Variants in CAST observed in about 807,000 individuals in gnomAD.
CAST encodes MIR583 host.
In CAST, 76 loss-of-function variants were observed where a neutral mutation model predicts 119.6. The observed-to-expected ratio is 0.64, with a 90% CI of 0.53 to 0.77. The LOEUF (loss-of-function observed/expected upper bound fraction) is 0.77, where lower values mean the gene tolerates loss of function less well. Ranked by LOEUF, CAST falls within the 30% of genes least tolerant of loss-of-function variation. The probability of loss-of-function intolerance (pLI) is 0.00; values close to 1 mark genes in which losing one functional copy is unlikely to be tolerated. For synonymous variants in CAST, 319 were observed against 331.6 expected, an observed-to-expected ratio of 0.96 and a Z score of 0.41; for missense variants, 953 against 946.5, an observed-to-expected ratio of 1.01 and a Z score of -0.09.
chr5:95,972,381 G>C, the CAST span, among the ~76,000 whole-genome samples: 3 of 151,684 alleles, frequency 2.0e-5, no homozygotes, highest in South Asian at 2.1e-4. Flanking sequence ...CTGTGTACTT[G>C]TCAGCACTTG....
At chr5:96,119,797 C>T in the CAST span, among the ~76,000 whole-genome samples, 1 of 152,006 alleles carries the variant, frequency 6.6e-6, no homozygotes, top group Non-Finnish European at 1.5e-5. Context: ...ATTATGTACG[C>T]CTAAAAAGCA....
the CAST span, among the ~76,000 whole-genome samples, chr5:96,105,611 T>C: frequency 6.6e-6 from 1 of 152,218 alleles, no homozygotes; most frequent in Non-Finnish European, 1.5e-5. Flanking sequence ...GATAAGCTTT[T>C]TGATGTGCTG....
chr5:96,399,863 T>A, the CAST span: 1 of 969,864 alleles, frequency 1.0e-6, no homozygotes, highest in Non-Finnish European at 1.6e-6. Flanking sequence ...TTCAGAAGGG[T>A]AGATACAAAA....
At chr5:96,355,378 C>A in the CAST span, among the ~76,000 whole-genome samples, 2 of 152,114 alleles carry the variant, frequency 1.3e-5, no homozygotes, top group Admixed American at 6.6e-5. Context: ...TTTATGTCTG[C>A]GTAGTATTCT....
chr5:96,695,977 T>C, intron 3 of CAST, 70 bp downstream of exon 3: 3 of 997,524 alleles, frequency 3.0e-6, no homozygotes, highest in Non-Finnish European at 4.6e-6. Flanking sequence ...GGGTGGGGCC[T>C]GTAGGAATGG....
At chr5:96,644,531 G>A (rs1252769244) in intron 1 of CAST, among the ~76,000 whole-genome samples, 2 of 152,184 alleles carry the variant, frequency 1.3e-5, no homozygotes, top group Non-Finnish European at 2.9e-5. Context: ...TTATTTTGGA[G>A]TAATTTTAGA....
At chr5:96,631,811 C>T (rs1487264749) in intron 1 of CAST, among the ~76,000 whole-genome samples, 1 of 152,062 alleles carries the variant, frequency 6.6e-6, no homozygotes, top group Admixed American at 6.6e-5. Context: ...GGATTACAGG[C>T]GTGAGCCACT....
chr5:95,996,462 A>C, the CAST span, among the ~76,000 whole-genome samples: 1 of 152,178 alleles, frequency 6.6e-6, no homozygotes, highest in South Asian at 2.1e-4. Flanking sequence ...TACTTTTATA[A>C]TGGCTTCTTT....
chr5:96,347,748 C>T, the CAST span, among the ~76,000 whole-genome samples: 1 of 152,158 alleles, frequency 6.6e-6, no homozygotes, highest in Admixed American at 6.6e-5. Flanking sequence ...CTAAACCCCA[C>T]AGGAAATCCT....
At chr5:96,013,100 AC>A in the CAST span, among the ~76,000 whole-genome samples, 1 of 152,170 alleles carries the variant, frequency 6.6e-6, no homozygotes, top group Admixed American at 6.6e-5. Context: ...GACAACTGAC[AC>A]ATCAGGTACC....
the CAST span, among the ~76,000 whole-genome samples, chr5:96,149,097 C>G: frequency 6.6e-6 from 1 of 152,166 alleles, no homozygotes; most frequent in Non-Finnish European, 1.5e-5. Context: ...AGACAGTTTC[C>G]TTGGCTTTGA....
chr5:96,472,982 A>G, the CAST span, among the ~76,000 whole-genome samples: 1 of 152,174 alleles, frequency 6.6e-6, no homozygotes, highest in East Asian at 1.9e-4. Context: ...TTGTGGAAGC[A>G]TAACTCCAAT....
intron 22 of CAST, among the ~76,000 whole-genome samples, chr5:96,757,028 G>A (rs1766460341): frequency 6.6e-6 from 1 of 152,154 alleles, no homozygotes. Flanking sequence ...TTAGATGTGT[G>A]GCTTACAAGG....
chr5:96,389,004 G>C, the CAST span, among the ~76,000 whole-genome samples: 1 of 150,596 alleles, frequency 6.6e-6, no homozygotes, highest in East Asian at 2.0e-4. Context: ...GACACAGAAA[G>C]AAAAATGCTG....
chr5:96,028,159 T>A, the CAST span, among the ~76,000 whole-genome samples: 1 of 152,250 alleles, frequency 6.6e-6, no homozygotes, highest in African/African-American at 2.4e-5. Context: ...CAGAAAACAC[T>A]TAAATTGTCA....
At chr5:96,515,956 C>A in the CAST span, among the ~76,000 whole-genome samples, 1 of 138,096 alleles carries the variant, frequency 7.2e-6, no homozygotes, top group Non-Finnish European at 1.6e-5. Flanking sequence ...TTCTAGACTT[C>A]TAGTGAGACA....
In CAST at chr5:96,592,826, G is replaced by A. The variant is rs1039169536; in HGVS notation, c.60+62946G>A. The stretch of plus-strand genomic sequence containing the variant: ...GTCGCCCAGGCTGGAGTGCAGTGCC[G>A]TGATCTCTGCTCACTGCAAGCTCCG... On this transcript the variant is annotated intron_variant, in intron 1 of 11. Coordinates refer to the CAST transcript ENST00000505143. Among the ~76,000 whole-genome samples, 11 of 150,874 alleles carry A rather than the reference G, an allele frequency of 7.3e-5. No homozygotes were observed. In the East Asian group the frequency reaches 7.8e-4, roughly 11 times the overall value.
chr5:96,197,436 A>G, the CAST span, among the ~76,000 whole-genome samples: 1 of 152,192 alleles, frequency 6.6e-6, no homozygotes, highest in African/African-American at 2.4e-5. Flanking sequence ...TACAAATTTT[A>G]AAAACTGTAG....
chr5:96,742,824 A>T, intron 16 of CAST, 68 bp downstream of exon 16: 2 of 1,045,414 alleles, frequency 1.9e-6, no homozygotes, highest in East Asian at 5.0e-5. Context: ...TGCACTCTGC[A>T]TGTTTAGAAT....
Sources: allele counts gnomAD v4.1 joint callset (sites outside exome capture counted in the v4.1 genomes callset), GRCh38; gene constraint gnomAD v4.1.1; transcripts MANE v1.5; gene names NCBI Gene and HGNC (gene_info 2026-07-23, HGNC 2026-07-21).